GABRB3: variants seen among roughly 807,000 people sequenced by gnomAD.
GABRB3 encodes gamma-aminobutyric acid type A receptor subunit beta3, also known as gamma-aminobutyric acid receptor subunit beta-3.
A neutral mutation model predicts 52.1 loss-of-function variants in GABRB3; 14 were observed. That is an observed-to-expected ratio of 0.27 (90% CI 0.18 to 0.42). The LOEUF is 0.42. Ranked by LOEUF, GABRB3 falls within the 10% of genes least tolerant of loss-of-function variation. GABRB3 has a pLI of 1.00. For synonymous variants in GABRB3, 260 were observed against 232.3 expected (o/e 1.12, Z -1.08); for missense variants, 307 against 609.1 (o/e 0.50, Z 5.22).
intron 3 of GABRB3, among the ~76,000 whole-genome samples, chr15:26,638,431 G>A (rs910270982): frequency 6.6e-6 from 1 of 152,196 alleles, no homozygotes; most frequent in South Asian, 2.1e-4. Context: ...CAGTTGAGCC[G>A]TGCTCCTTCC....
chr15:26,577,380 G>A (rs1654139392), intron 6 of GABRB3, among the ~76,000 whole-genome samples: 1 of 152,110 alleles, frequency 6.6e-6, no homozygotes, highest in South Asian at 2.1e-4. Flanking sequence ...AGGCATGGTG[G>A]CATGTGCTTG....
intron 3 of GABRB3, among the ~76,000 whole-genome samples, chr15:26,683,403 G>T (rs945367895): frequency 6.6e-6 from 1 of 151,128 alleles, no homozygotes; most frequent in Non-Finnish European, 1.5e-5. Flanking sequence ...CTCATTGCTG[G>T]GTGGGGTGGG....
At chr15:26,629,261 G>A (rs1416195589) in intron 3 of GABRB3, 14 of 1,203,546 alleles carry the variant, frequency 1.2e-5, no homozygotes, top group Non-Finnish European at 4.5e-6. Context: ...CCCCGAGAGG[G>A]AGGAGGCGTG....
chr15:26,694,777 G>A (rs1888685636), intron 3 of GABRB3, among the ~76,000 whole-genome samples: 1 of 152,182 alleles, frequency 6.6e-6, no homozygotes, highest in African/African-American at 2.4e-5. Context: ...AAATAGCTAT[G>A]ACTAATATGC....
At chr15:26,647,906 G>A (rs1311797158) in intron 3 of GABRB3, among the ~76,000 whole-genome samples, 4 of 152,170 alleles carry the variant, frequency 2.6e-5, no homozygotes, top group Admixed American at 6.5e-5. Flanking sequence ...TTCTCAAAAC[G>A]GAGACAACTA....
intron 4 of GABRB3, among the ~76,000 whole-genome samples, chr15:26,610,822 T>C (rs1010892638): frequency 6.6e-6 from 1 of 152,206 alleles, no homozygotes; most frequent in African/African-American, 2.4e-5. Flanking sequence ...AAGTAAAAGA[T>C]GAAAATAGCA....
chr15:26,692,205 A>T (rs2140665788), intron 3 of GABRB3, among the ~76,000 whole-genome samples: 1 of 152,326 alleles, frequency 6.6e-6, no homozygotes, highest in South Asian at 2.1e-4. Context: ...AATCTCATGG[A>T]GGTGATCTTT....
chr15:26,631,967 C>T (rs534694569), intron 3 of GABRB3, among the ~76,000 whole-genome samples: 4 of 152,174 alleles, frequency 2.6e-5, no homozygotes, highest in Non-Finnish European at 5.9e-5. Context: ...CTTTAAAAAG[C>T]TCACAATCTA....
In GABRB3 at chr15:26,772,735, T is replaced by C. The variant is rs1426593784; in HGVS notation, c.118A>G (p.Thr40Ala). The C allele has an allele frequency of 1.9e-6, 3 of 1,573,372 alleles. No individual in the cohort carries two copies. The highest frequency in any genetic ancestry group is 2.6e-6 in the Non-Finnish European group (3 of 1,159,280). ...DPGNMSFVKETVDKLLKGYDI... is the reference protein window; with the variant it reads ...DPGNMSFVKEAVDKLLKGYDI... Reference sequence around the variant, plus strand: ...TAGCCTTTCAACAGCTTGTCCACCGTCTCCTTCACAAAGGACATGTTCCCG... The same window carrying C: ...TAGCCTTTCAACAGCTTGTCCACCGCCTCCTTCACAAAGGACATGTTCCCG... Residue 40 changes from threonine to alanine, a missense_variant, in exon 2 of 9, where the codon ACG becomes GCG. This residue lies in a region of GABRB3 where 90 missense variants were observed against 86.4 expected (regional missense o/e 1.04). Transcript: ENST00000311550.
At chr15:26,609,835 G>A (rs142596776) in intron 4 of GABRB3, among the ~76,000 whole-genome samples, 2,350 of 152,204 alleles carry the variant, frequency 0.015, 32 homozygotes, top group Middle Eastern at 0.034. Flanking sequence ...AGATAAATAC[G>A]TTAACTCACT....
At chr15:26,607,679 C>A (rs1445849613) in intron 4 of GABRB3, among the ~76,000 whole-genome samples, 24 of 151,762 alleles carry the variant, frequency 1.6e-4, no homozygotes, top group Admixed American at 1.6e-3. Flanking sequence ...TATAAATTAA[C>A]ACTAAACTAT....
chr15:26,657,567 T>C (rs2140603212), intron 3 of GABRB3, among the ~76,000 whole-genome samples: 1 of 152,314 alleles, frequency 6.6e-6, no homozygotes, highest in Non-Finnish European at 1.5e-5. Context: ...AGGGAATGCA[T>C]GGTATGTCTC....
At chr15:26,639,493 G>C (rs1462674853) in intron 3 of GABRB3, among the ~76,000 whole-genome samples, 1 of 152,098 alleles carries the variant, frequency 6.6e-6, no homozygotes, top group African/African-American at 2.4e-5. Flanking sequence ...ATGCATACGA[G>C]AGGATATGTG....
At chr15:26,573,542 C>A (rs897007646) in intron 6 of GABRB3, among the ~76,000 whole-genome samples, 1 of 152,178 alleles carries the variant, frequency 6.6e-6, no homozygotes, top group African/African-American at 2.4e-5. Flanking sequence ...TCCAGCCTCT[C>A]CATTATTTGG....
At chr15:26,614,329 C>T in intron 4 of GABRB3, 1 of 152,136 alleles carries the variant, frequency 6.6e-6, no homozygotes, top group East Asian at 1.9e-4. Flanking sequence ...AAGGATAAAA[C>T]ATGCTGGGGG....
intron 4 of GABRB3, among the ~76,000 whole-genome samples, chr15:26,596,053 G>A (rs905145034): frequency 1.3e-5 from 2 of 152,094 alleles, no homozygotes; most frequent in Non-Finnish European, 2.9e-5. Context: ...GCCTTTGGGG[G>A]TAGGCATGTA....
At chr15:26,726,786 C>T (rs575928650) in intron 3 of GABRB3, among the ~76,000 whole-genome samples, 13 of 152,262 alleles carry the variant, frequency 8.5e-5, no homozygotes, top group African/African-American at 3.1e-4. Flanking sequence ...ACTGTAAAGT[C>T]ACTGTTTTGC....
At chr15:26,596,269 GAACA>G (rs1258444703) in intron 4 of GABRB3, among the ~76,000 whole-genome samples, 4 of 151,912 alleles carry the variant, frequency 2.6e-5, no homozygotes, top group African/African-American at 7.3e-5. Context: ...TTCTTGATAC[GAACA>G]AACAGTTATA....
At chr15:26,748,262 A>G (rs1024394565) in intron 3 of GABRB3, among the ~76,000 whole-genome samples, 1 of 151,902 alleles carries the variant, frequency 6.6e-6, no homozygotes, top group African/African-American at 2.4e-5. Flanking sequence ...CTCCTCTTCT[A>G]TTTTCTAGAG....
Sources: gnomAD v4.1 joint callset for allele counts (sites outside exome capture counted in the v4.1 genomes callset) on GRCh38, gnomAD v4.1.1 for gene constraint, gnomAD v4.1.1 regional missense constraint, MANE v1.5 for transcripts, NCBI Gene and HGNC (gene_info 2026-07-23, HGNC 2026-07-21) for gene names.